Variants in TTC21A observed in about 807,000 individuals in gnomAD.
TTC21A encodes the protein tetratricopeptide repeat domain 21A.
In TTC21A, 128 loss-of-function variants were observed where a neutral mutation model predicts 156.4. That is an observed-to-expected ratio of 0.82 (90% CI 0.71 to 0.95). The LOEUF (loss-of-function observed/expected upper bound fraction) is 0.95. TTC21A is among the 40% of genes least tolerant of loss of function. TTC21A has a pLI of 0.00. For missense variants in TTC21A, 1,435 were observed against 1,602.3 expected (o/e 0.90, Z 1.78); for synonymous variants, 587 against 617.1 (o/e 0.95, Z 0.72).
rs760182564 is a variant in TTC21A, at chr3:39,126,380, G to A, written c.1512G>A (p.Arg504=). The change falls in exon 12 of 29, where the codon AGG becomes AGA. Residue 504 remains arginine (R), a synonymous_variant. Transcript: ENST00000683103. ...CCCTGTATTTGATGGCTCAGGTCAG[G>A]TATTACTCAGGTGAGCGGGGGATCC... ...IDPLYLMAQV[R]YYSGELENAQ... 1.1e-5 allele frequency: 18 copies of A among 1,609,008 alleles called. No homozygotes were observed. Among genetic ancestry groups the A allele is most frequent in the Admixed American group, 1.0e-4 (6 of 59,822 alleles).
chr3:39,118,206 A>C (rs2037451917), intron 7 of TTC21A, 53 bp downstream of exon 7: 11 of 1,554,356 alleles, frequency 7.1e-6, no homozygotes, highest in Non-Finnish European at 9.8e-6. Context: ...TCAAGGAGGA[A>C]CCCTTCATGA....
Position 39,134,208 on chromosome 3 carries a change from C to A in TTC21A, c.2752-10C>A. On this transcript the variant is annotated splice_polypyrimidine_tract_variant and intron_variant, in intron 20 of 28. Coordinates refer to ENST00000683103, the MANE Select transcript of TTC21A (RefSeq NM_001366900.1). The surrounding 1 kb of genome is among the most constrained non-coding windows in gnomAD (Gnocchi z 4.6). Reference sequence around the variant, plus strand: ...TACTAGTTAGTTTATTATATCCGGCCTTGTCCCAGGTGATGCTGGAGCTGG... The same window carrying A: ...TACTAGTTAGTTTATTATATCCGGCATTGTCCCAGGTGATGCTGGAGCTGG... 6.3e-7 allele frequency: 1 copy of A among 1,599,038 alleles called. No homozygotes were observed. Among genetic ancestry groups the A allele is most frequent in the Non-Finnish European group, 8.6e-7 (1 of 1,166,448 alleles).
In TTC21A at chr3:39,130,369, G is replaced by C. The variant is rs768044431; in HGVS notation, c.2319+11G>C. 1 of 1,605,760 alleles carries C rather than the reference G, an allele frequency of 6.2e-7. No homozygotes were observed. Among genetic ancestry groups the C allele is most frequent in the East Asian group, 2.2e-5 (1 of 44,800 alleles). On this transcript the variant is annotated intron_variant, in intron 17 of 28. Transcript: ENST00000683103. The surrounding 1 kb of genome is among the most constrained non-coding windows in gnomAD (Gnocchi z 4.5). The stretch of plus-strand genomic sequence containing the variant: ...CACCAGTATACTGAGGTCAGGCTGG[G>C]CTAGGGTGTGAAGGGGCAGGGAGGG...
rs537696863 is a variant in TTC21A, at chr3:39,127,572, C to T, written c.1523-759C>T. ...GAGCAGGGAGCTTGGGACCCAGAAA[C>T]AGGTGCTCCCTACCCACCAGGTTAT... On this transcript the variant is annotated intron_variant, in intron 12 of 28. Coordinates refer to ENST00000683103, the MANE Select transcript of TTC21A (RefSeq NM_001366900.1). Among the ~76,000 whole-genome samples the T allele has an allele frequency of 4.6e-5, 7 of 152,306 alleles. No individual in the cohort carries two copies. In the East Asian group the frequency reaches 1.2e-3, roughly 25 times the overall value.
chr3:39,113,745 A>G (rs2037028838), intron 5 of TTC21A, among the ~76,000 whole-genome samples: 1 of 152,266 alleles, frequency 6.6e-6, no homozygotes, highest in Non-Finnish European at 1.5e-5. Context: ...CAGTTTGAAC[A>G]TGGATATAAA....
At position 39,131,009 on chromosome 3, in the gene TTC21A, A is replaced by G. The variant is rs542457170; in HGVS notation, c.2476A>G (p.Met826Val). ...EHDIVQDIPS[M>V]MNDVKCLLLL... ...TTTAACAGTCCAAGACATCCCATCC[A>G]TGATGAATGATGTTAAGTGCCTGCT... The change falls in exon 19 of 29, where the codon ATG becomes GTG. Residue 826 changes from methionine (M) to valine (V), a missense_variant. Met to Val is a conservative substitution (Grantham distance 21). Coordinates refer to ENST00000683103, the MANE Select transcript of TTC21A (RefSeq NM_001366900.1). 4 of 1,613,800 alleles carry G rather than the reference A, an allele frequency of 2.5e-6. No individual in the cohort carries two copies. In the South Asian group the frequency reaches 4.4e-5, roughly 18 times the overall value.
At position 39,137,016 on chromosome 3, in the gene TTC21A, G is replaced by A; in HGVS notation, c.3213G>A (p.Glu1071=). 1 of 1,613,916 alleles carries A rather than the reference G, an allele frequency of 6.2e-7. No homozygotes were observed. Residue 1071 remains glutamate, a synonymous_variant, in exon 24 of 29, where the codon GAG becomes GAA. Coordinates refer to ENST00000683103, the MANE Select transcript of TTC21A (RefSeq NM_001366900.1). ...MVQICLNPDN[E]VVGGEAFENQ... is the part of the protein sequence containing the mutation. ...AGATCTGTCTGAATCCAGACAACGA[G>A]GTTGTGGGCGGAGAGGCTTTTGAGA...
chr3:39,112,361 C>A, intron 4 of TTC21A, 97 bp from the exon 5 acceptor site: 1 of 1,298,322 alleles, frequency 7.7e-7, no homozygotes, highest in South Asian at 1.3e-5. Flanking sequence ...CCTGGCAGGG[C>A]CTCAGGGTTT....
intron 5 of TTC21A, among the ~76,000 whole-genome samples, chr3:39,114,145 GA>G (rs1334757761): frequency 1.3e-5 from 2 of 152,236 alleles, no homozygotes; most frequent in Non-Finnish European, 2.9e-5. Flanking sequence ...GTAGTTGCCA[GA>G]AAACCCTAAC....
In TTC21A at chr3:39,130,122, C is replaced by A. The variant is rs775014867; in HGVS notation, c.2179C>A (p.Leu727Met). Residue 727 changes from leucine (L) to methionine (M), a missense_variant, in exon 16 of 29, where the codon CTG becomes ATG. Coordinates refer to ENST00000683103, the MANE Select transcript of TTC21A (RefSeq NM_001366900.1). The surrounding 1 kb of genome is among the most constrained non-coding windows in gnomAD (Gnocchi z 4.5). The part of the protein sequence containing the change: ...HLPGPHTSLL[L>M]GDALMSILEP... The stretch of plus-strand genomic sequence containing the variant: ...GCCTGGCCCCCACACCAGCCTGCTA[C>A]TGGGCGATGCCTTAATGAGCATTCT... The A allele has an allele frequency of 1.9e-6, 3 of 1,614,008 alleles. No homozygotes were observed. Among genetic ancestry groups the A allele is most frequent in the Non-Finnish European group, 2.5e-6 (3 of 1,180,034 alleles).
At chr3:39,120,129 C>T (rs2037638566) in intron 8 of TTC21A, 109 bp downstream of exon 8, 2 of 752,798 alleles carry the variant, frequency 2.7e-6, no homozygotes, top group Non-Finnish European at 4.5e-6. Flanking sequence ...TCCCTTCTGG[C>T]TCAAACTTGT....
rs763062152 is a variant in TTC21A, at chr3:39,138,748, A to C, written c.3902A>C (p.Glu1301Ala). ...REHPDYPKIR[E>A]EILEKARRSL... ...CACCCCGACTACCCCAAGATCAGGG[A>C]GGAAATTTTGGAAAAGGCCCGAAGG... Residue 1301 changes from glutamate (E) to alanine (A), a missense_variant, in exon 29 of 29, where the codon GAG becomes GCG. Physicochemically the swap from Glu to Ala is moderately radical, Grantham distance 107 (BLOSUM62 -1). Transcript: ENST00000683103. The C allele has an allele frequency of 1.0e-4, 163 of 1,614,040 alleles. 1 individual carries two copies. In the South Asian group the frequency reaches 1.7e-3, roughly 17 times the overall value.
Position 39,135,431 on chromosome 3 carries a change from A to G in TTC21A, c.2944+257A>G, listed in dbSNP as rs182887927. ...CATGTCTGTCCCCAAATCACAGCCA[A>G]TGGGGCTTGACACAGTCCCCTTTTG... On this transcript the variant is annotated intron_variant, in intron 22 of 28. Transcript: ENST00000683103. Among the ~76,000 whole-genome samples, 334 of 152,334 alleles carry G rather than the reference A, an allele frequency of 2.2e-3. 1 individual carries two copies. The highest frequency in any genetic ancestry group is 7.2e-3 in the African/African-American group (298 of 41,572).
Position 39,137,541 on chromosome 3 carries a change from A to G in TTC21A, c.3506A>G (p.Gln1169Arg). The change falls in exon 26 of 29, where the codon CAG becomes CGG. Residue 1169 changes from glutamine (Q) to arginine (R), a missense_variant. Physicochemically the swap from Gln to Arg is conservative, Grantham distance 43. Coordinates refer to ENST00000683103, the MANE Select transcript of TTC21A (RefSeq NM_001366900.1). ...ALAQAYVFLK[Q>R]IPKARMQLKR... The stretch of plus-strand genomic sequence containing the variant: ...GCACAAGCCTACGTGTTCCTGAAGC[A>G]GATCCCCAAGGCGCGTATGCAGTTG... 2 of 1,614,246 alleles carry G rather than the reference A, an allele frequency of 1.2e-6. No homozygotes were observed. The highest frequency in any genetic ancestry group is 1.7e-6 in the Non-Finnish European group (2 of 1,180,040).
In TTC21A at chr3:39,137,378, G is replaced by A. The variant is rs756540734; in HGVS notation, c.3441G>A (p.Ala1147=). The A allele has an allele frequency of 2.3e-5, 37 of 1,612,524 alleles. No homozygotes were observed. Among genetic ancestry groups the A allele is most frequent in the South Asian group, 4.4e-5 (4 of 90,964 alleles). ...EAALGSFIQI[A]QAEKDSVPAL... ...CGCTGGGCAGCTTCATCCAGATAGC[G>A]CAGGCTGAGGTGTGGCTGGTGGGGA... is the stretch of plus-strand genomic sequence containing the variant. The change falls in exon 25 of 29, where the codon GCG becomes GCA. Residue 1147 remains alanine, a synonymous_variant. Transcript: ENST00000683103.
intron 4 of TTC21A, among the ~76,000 whole-genome samples, chr3:39,111,389 T>TGG (rs1455073046): frequency 6.6e-6 from 1 of 152,168 alleles, no homozygotes; most frequent in East Asian, 1.9e-4. Context: ...GTTTTTACAT[T>TGG]TTTTGTAGAG....
intron 7 of TTC21A, chr3:39,118,551 A>G (rs1215324914): frequency 5.0e-6 from 1 of 201,342 alleles, no homozygotes; most frequent in Non-Finnish European, 1.0e-5. Flanking sequence ...ATGTTAACTG[A>G]TAGTAGAAGT....
At position 39,128,804 on chromosome 3, in the gene TTC21A, A is replaced by G. The variant is rs1429311200; in HGVS notation, c.1768A>G (p.Met590Val). The change falls in exon 14 of 29, where the codon ATG becomes GTG. Residue 590 changes from methionine (M) to valine (V), a missense_variant. Transcript: ENST00000683103. ...TCCAGAGGCCATAAAGACGCTGAAA[A>G]TGGTCATCAAATTGCCAGCTCTGAA... ...DYPEAIKTLK[M>V]VIKLPALKKE... 1 of 1,614,172 alleles carries G rather than the reference A, an allele frequency of 6.2e-7. No individual in the cohort carries two copies. Among genetic ancestry groups the G allele is most frequent in the African/African-American group, 1.3e-5 (1 of 75,038 alleles).
chr3:39,119,661 A>C (rs1361479565), intron 7 of TTC21A: 4 of 306,544 alleles, frequency 1.3e-5, no homozygotes, highest in South Asian at 9.0e-5. Flanking sequence ...AAGAAAAAAA[A>C]AAAACAAATT....
Sources: allele counts gnomAD v4.1 joint callset (sites outside exome capture counted in the v4.1 genomes callset), GRCh38; gene constraint gnomAD v4.1.1; non-coding constraint Gnocchi (gnomAD v3.1); transcripts MANE v1.5; gene names NCBI Gene and HGNC (gene_info 2026-07-23, HGNC 2026-07-21).